ZFP1: variants seen among roughly 807,000 people sequenced by gnomAD.
ZFP1 encodes zinc finger protein 1 homolog.
A neutral mutation model predicts 38.5 loss-of-function variants in ZFP1; 32 were observed. The observed-to-expected ratio is 0.83, with a 90% CI of 0.63 to 1.12. ZFP1 has a LOEUF of 1.12. Ranked by LOEUF, ZFP1 falls within the 50% of genes most tolerant of loss-of-function variation. The pLI, the probability that ZFP1 is intolerant of heterozygous loss-of-function variation, is 0.00. For missense variants in ZFP1, 616 were observed against 480.8 expected (o/e 1.28, Z -2.63); for synonymous variants, 245 against 168.8 (o/e 1.45, Z -3.50).
intron 2 of ZFP1, among the ~76,000 whole-genome samples, chr16:75,155,141 T>C (rs569645691): frequency 3.5e-4 from 53 of 152,276 alleles, no homozygotes; most frequent in African/African-American, 1.3e-3. Flanking sequence ...TGATTTTGTT[T>C]TGTTTTTGAG....
rs2038378863 is a variant in ZFP1, at chr16:75,170,714, G to C, written c.*380G>C. On this transcript the variant is annotated 3_prime_UTR_variant, in exon 4 of 4. Transcript: ENST00000570010. ...TGGTATGCTTTAGATCTGCACATGT[G>C]AATTTAGCATAATCACTGGGAATTT... 6.0e-6 allele frequency: 1 copy of C among 167,334 alleles called. No individual in the cohort carries two copies. The highest frequency in any genetic ancestry group is 1.3e-5 in the Non-Finnish European group (1 of 78,276). The allele number at this position is 167,334 out of a possible 1,614,324, so 10.4% of individuals were successfully genotyped here. A position where few individuals can be genotyped will look rare whatever the true frequency, so the allele number is the denominator to read the frequency against.
At chr16:75,149,237 C>T (rs1471693954) in intron 1 of ZFP1, 1 of 152,170 alleles carries the variant, frequency 6.6e-6, no homozygotes, top group Non-Finnish European at 1.5e-5. Context: ...AAGTGATTTC[C>T]CTAAGGTCTC....
the ZFP1 span, among the ~76,000 whole-genome samples, chr16:75,139,697 C>A: frequency 6.6e-6 from 1 of 152,076 alleles, no homozygotes; most frequent in African/African-American, 2.4e-5. Flanking sequence ...GCTTTGTTTA[C>A]ATGGAGGCCT....
At chr16:75,125,962 G>A in the ZFP1 span, among the ~76,000 whole-genome samples, 1 of 146,814 alleles carries the variant, frequency 6.8e-6, no homozygotes, top group Non-Finnish European at 1.5e-5. Flanking sequence ...AGAATCGCTT[G>A]AATCTGGGAG....
upstream of ZFP1, among the ~76,000 whole-genome samples, chr16:75,146,217 C>A (rs2145479952): frequency 6.7e-6 from 1 of 149,914 alleles, no homozygotes; most frequent in South Asian, 2.1e-4. Flanking sequence ...GGCTGGAGTT[C>A]ATTGGTGCAA....
At chr16:75,159,310 TCC>T in intron 2 of ZFP1, among the ~76,000 whole-genome samples, 1 of 112,986 alleles carries the variant, frequency 8.9e-6, no homozygotes, top group Non-Finnish European at 1.7e-5. Flanking sequence ...CTCCCTTCCC[TCC>T]TTTCCCTCCT....
At chr16:75,163,389 G>GCAA (rs1168182855) in intron 2 of ZFP1, among the ~76,000 whole-genome samples, 1 of 151,596 alleles carries the variant, frequency 6.6e-6, no homozygotes, top group African/African-American at 2.4e-5. Context: ...CTCGCTCACT[G>GCAA]CAACTTTTGC....
upstream of ZFP1, among the ~76,000 whole-genome samples, chr16:75,145,488 C>T (rs888070758): frequency 3.3e-5 from 5 of 152,092 alleles, no homozygotes; most frequent in Non-Finnish European, 5.9e-5. Context: ...CACGCCTGTA[C>T]GTTGCCTTTT....
chr16:75,124,284 A>C, the ZFP1 span, among the ~76,000 whole-genome samples: 2 of 148,980 alleles, frequency 1.3e-5, no homozygotes, highest in Non-Finnish European at 3.0e-5. Context: ...TCAGCCTCCC[A>C]AGTAGCTGGG....
intron 3 of ZFP1, among the ~76,000 whole-genome samples, chr16:75,168,982 C>T (rs2038261684): frequency 1.3e-5 from 2 of 152,190 alleles, no homozygotes; most frequent in South Asian, 2.1e-4. Context: ...TCTCCTTTCA[C>T]CCTCTCTGCC....
chr16:75,142,228 G>A, the ZFP1 span, among the ~76,000 whole-genome samples: 36 of 150,968 alleles, frequency 2.4e-4, no homozygotes, highest in South Asian at 6.3e-4. Context: ...TTAGCTGGGC[G>A]TGGTGGTGCA....
At chr16:75,160,511 T>C (rs1345624507) in intron 2 of ZFP1, among the ~76,000 whole-genome samples, 3 of 151,972 alleles carry the variant, frequency 2.0e-5, no homozygotes, top group African/African-American at 4.8e-5. Flanking sequence ...ATACAAAAAT[T>C]AGCCAAGTGT....
In ZFP1 at chr16:75,169,195, G is replaced by A. The variant is rs201725484; in HGVS notation, c.143-58G>A. 1.5e-3 allele frequency: 2,331 copies of A among 1,520,042 alleles called. 2 individuals carry two copies. Among genetic ancestry groups the A allele is most frequent in the Non-Finnish European group, 2.0e-3 (2,247 of 1,137,388 alleles). The allele number at this position is 1,520,042 out of a possible 1,614,324, so 94.2% of individuals were successfully genotyped here. ...GAACACGTGTGAAGACTTCCCATTC[G>A]GTAACATTATAGCGGAGGCATTGAC... On this transcript the variant is annotated intron_variant, in intron 3 of 3. Coordinates refer to ENST00000570010, the MANE Select transcript of ZFP1 (RefSeq NM_153688.4).
At chr16:75,137,580 C>T in the ZFP1 span, among the ~76,000 whole-genome samples, 125 of 131,208 alleles carry the variant, frequency 9.5e-4, 1 homozygote, top group African/African-American at 3.3e-3. Flanking sequence ...CCTGCCTCCT[C>T]AGTCTCCTGA....
At chr16:75,130,873 A>G in the ZFP1 span, among the ~76,000 whole-genome samples, 1 of 151,514 alleles carries the variant, frequency 6.6e-6, no homozygotes, top group Non-Finnish European at 1.5e-5. Context: ...ACGGCCTAAA[A>G]CGCTTCAGTG....
chr16:75,133,212 G>C, the ZFP1 span, among the ~76,000 whole-genome samples: 2 of 152,092 alleles, frequency 1.3e-5, no homozygotes, highest in Non-Finnish European at 2.9e-5. Context: ...CCTGACCTCC[G>C]GTGATCTGCC....
intron 2 of ZFP1, among the ~76,000 whole-genome samples, chr16:75,162,263 C>G (rs563286159): frequency 6.6e-6 from 1 of 151,994 alleles, no homozygotes; most frequent in East Asian, 1.9e-4. Context: ...GCTGGGACTA[C>G]AGGCAGGCAC....
At chr16:75,143,954 C>A (rs1254311395), upstream of ZFP1, 1 of 152,218 alleles carries the variant, frequency 6.6e-6, no homozygotes, top group Non-Finnish European at 1.5e-5. Flanking sequence ...GCACCGGCCA[C>A]CAGTGGTGAT....
At chr16:75,164,979 A>AT (rs2037986134) in intron 2 of ZFP1, among the ~76,000 whole-genome samples, 1 of 151,854 alleles carries the variant, frequency 6.6e-6, no homozygotes, top group Non-Finnish European at 1.5e-5. Context: ...CTAATTTTGT[A>AT]TTTTTAGTAG....
Sources: gnomAD v4.1 joint callset for allele counts (sites outside exome capture counted in the v4.1 genomes callset) on GRCh38, gnomAD v4.1.1 for gene constraint, MANE v1.5 for transcripts, NCBI Gene and HGNC (gene_info 2026-07-23, HGNC 2026-07-21) for gene names.